The following LIMS1 variants were observed in gnomAD, a reference collection of about 807,000 sequenced individuals.
The protein encoded by LIMS1 is LIM zinc finger domain containing 1, also known as LIM and senescent cell antigen-like-containing domain protein 1.
In LIMS1, 18 loss-of-function variants were observed where a neutral mutation model predicts 44.1. The observed-to-expected ratio is 0.41, with a 90% CI of 0.28 to 0.61. LIMS1 has a LOEUF of 0.61. LIMS1 is among the 20% of genes least tolerant of loss of function. The pLI, the probability that LIMS1 is intolerant of heterozygous loss-of-function variation, is 0.32. For missense variants in LIMS1, 201 were observed against 422.0 expected, an observed-to-expected ratio of 0.48 and a Z score of 4.59; for synonymous variants, 93 against 149.1, an observed-to-expected ratio of 0.62 and a Z score of 2.74.
At chr2:108,581,346 A>G (rs1685878226) in intron 1 of LIMS1, among the ~76,000 whole-genome samples, 1 of 152,212 alleles carries the variant, frequency 6.6e-6, no homozygotes, top group African/African-American at 2.4e-5. Flanking sequence ...GGTACCTAAA[A>G]AAAGGCAATT....
rs544327309 is a variant in LIMS1, at chr2:108,551,905, G to T, written c.32+17311G>T. ...TATATGTGTATATACATGTATATAT[G>T]TATATGTGTGTATATGTGTATATAT... On this transcript the variant is annotated intron_variant, in intron 1 of 9. Transcript: ENST00000544547. 1.5e-3 allele frequency among the ~76,000 whole-genome samples: 197 copies of T among 135,338 alleles called. 1 individual carries two copies. Among genetic ancestry groups the T allele is most frequent in the African/African-American group, 5.3e-3 (192 of 36,180 alleles). 88.8% of individuals were successfully genotyped at this position (135,338 alleles called of 152,430 possible).
chr2:108,634,760 A>G (rs1472134700), intron 1 of LIMS1, among the ~76,000 whole-genome samples: 2 of 152,382 alleles, frequency 1.3e-5, no homozygotes, highest in South Asian at 2.1e-4. Context: ...ATGACAGGAA[A>G]GCATGTGGAG....
intron 1 of LIMS1, among the ~76,000 whole-genome samples, chr2:108,586,086 G>A (rs751639960): frequency 1.7e-4 from 26 of 152,146 alleles, no homozygotes; most frequent in Non-Finnish European, 2.8e-4. Flanking sequence ...CAGCTACTCC[G>A]GGGGCTGAGG....
intron 1 of LIMS1, among the ~76,000 whole-genome samples, chr2:108,578,946 G>C (rs1030640480): frequency 6.6e-6 from 1 of 152,078 alleles, no homozygotes; most frequent in Non-Finnish European, 1.5e-5. Flanking sequence ...TGATGATGTA[G>C]GGATATCATT....
Position 108,655,000 on chromosome 2 carries a change from G to A in LIMS1, c.33-4605G>A, listed in dbSNP as rs987549333. The A allele has an allele frequency of 9.4e-6, 15 of 1,600,264 alleles. No homozygotes were observed. In the Admixed American group the frequency reaches 2.4e-4, roughly 26 times the overall value. ...AGTGACCCTGGCTGGGAAGCAGGGA[G>A]GCCTGGATATTGTTTCTCCTGGCTC... On this transcript the variant is annotated intron_variant, in intron 1 of 9. Transcript: ENST00000544547.
At chr2:108,581,973 A>G (rs1366737726) in intron 1 of LIMS1, among the ~76,000 whole-genome samples, 1 of 152,084 alleles carries the variant, frequency 6.6e-6, no homozygotes, top group East Asian at 1.9e-4. Context: ...TACTTGCTAT[A>G]TGATGACACT....
At chr2:108,630,192 CAAAAAAAAA>C (rs59941456) in intron 1 of LIMS1, among the ~76,000 whole-genome samples, 2,928 of 103,996 alleles carry the variant, frequency 0.028, 42 homozygotes, top group Non-Finnish European at 0.03. Flanking sequence ...GACCCTGTCT[CAAAAAAAAA>C]AAAAAAAAAA....
chr2:108,552,777 C>T (rs762925903), intron 1 of LIMS1, among the ~76,000 whole-genome samples: 8 of 151,912 alleles, frequency 5.3e-5, no homozygotes, highest in Non-Finnish European at 1.2e-4. Context: ...AAGGTTGCAC[C>T]GTGTTGCCCA....
chr2:108,538,322 A>ACT (rs1684208620), intron 1 of LIMS1, among the ~76,000 whole-genome samples: 1 of 152,188 alleles, frequency 6.6e-6, no homozygotes, highest in Non-Finnish European at 1.5e-5. Flanking sequence ...TGCAGGAATG[A>ACT]GTAAGGGAGT....
intron 1 of LIMS1, among the ~76,000 whole-genome samples, chr2:108,607,430 G>A (rs865893266): frequency 6.6e-6 from 1 of 152,078 alleles, no homozygotes; most frequent in African/African-American, 2.4e-5. Context: ...GATTCACTAT[G>A]GTTTCATTTT....
chr2:108,665,237 C>G (rs1407234277), intron 2 of LIMS1, among the ~76,000 whole-genome samples: 1 of 152,166 alleles, frequency 6.6e-6, no homozygotes, highest in Non-Finnish European at 1.5e-5. Context: ...ACCTAAATGT[C>G]ATAGCCTACA....
chr2:108,599,424 T>G (rs1384121545), intron 1 of LIMS1, among the ~76,000 whole-genome samples: 1 of 152,184 alleles, frequency 6.6e-6, no homozygotes, highest in Non-Finnish European at 1.5e-5. Context: ...ACCACATTTT[T>G]TCTTTATCCA....
intron 1 of LIMS1, among the ~76,000 whole-genome samples, chr2:108,602,436 A>G (rs1022051827): frequency 6.6e-6 from 1 of 152,188 alleles, no homozygotes; most frequent in African/African-American, 2.4e-5. Flanking sequence ...TCTGTCATAC[A>G]TGGCTTTTAT....
intron 1 of LIMS1, among the ~76,000 whole-genome samples, chr2:108,631,769 T>C (rs1450862074): frequency 2.0e-5 from 3 of 152,240 alleles, no homozygotes; most frequent in Non-Finnish European, 2.9e-5. Context: ...CTTCATGGTC[T>C]GTAAGCCCTG....
At chr2:108,623,862 C>T (rs1317855156) in intron 1 of LIMS1, among the ~76,000 whole-genome samples, 4 of 152,170 alleles carry the variant, frequency 2.6e-5, no homozygotes, top group African/African-American at 9.7e-5. Flanking sequence ...ATTTTTTGCT[C>T]TTAAAGTTTA....
intron 1 of LIMS1, among the ~76,000 whole-genome samples, chr2:108,597,882 C>T (rs1293896678): frequency 6.6e-6 from 1 of 151,710 alleles, no homozygotes; most frequent in South Asian, 2.1e-4. Context: ...TTAGTAGAGA[C>T]GGGGTTTCAC....
intron 1 of LIMS1, among the ~76,000 whole-genome samples, chr2:108,637,129 G>A (rs1689327382): frequency 6.6e-6 from 1 of 151,462 alleles, no homozygotes; most frequent in African/African-American, 2.4e-5. Context: ...GTGTGTGTGT[G>A]TGTGTGTGTG....
intron 1 of LIMS1, among the ~76,000 whole-genome samples, chr2:108,657,387 A>G (rs1431166105): frequency 3.3e-5 from 5 of 152,304 alleles, no homozygotes; most frequent in Admixed American, 1.3e-4. Flanking sequence ...AGAGCCATAT[A>G]TATGAGCAGC....
chr2:108,583,177 C>T (rs147868074), intron 1 of LIMS1, among the ~76,000 whole-genome samples: 4,392 of 150,972 alleles, frequency 0.029, 141 homozygotes, highest in South Asian at 0.14. Flanking sequence ...GGATTACAGG[C>T]GCGCACCACC....
Sources: allele counts gnomAD v4.1 joint callset (sites outside exome capture counted in the v4.1 genomes callset), GRCh38; gene constraint gnomAD v4.1.1; transcripts MANE v1.5; gene names NCBI Gene and HGNC (gene_info 2026-07-23, HGNC 2026-07-21).